BRI3: variants seen among roughly 807,000 people sequenced by gnomAD.
The protein encoded by BRI3 is brain protein I3, also known as membrane protein BRI3.
BRI3 carries 6 observed loss-of-function variants against 12.8 expected under a neutral mutation model. The ratio of observed to expected loss-of-function variants is 0.47; its 90% CI spans 0.26 to 0.93. The LOEUF is 0.93. Among genes scored for constraint, BRI3 ranks in the 40% least tolerant of loss-of-function variants. The pLI is 0.15. For missense variants in BRI3, 134 were observed against 171.1 expected (o/e 0.78, Z 1.21); for synonymous variants, 91 against 76.1 (o/e 1.20, Z -1.02).
At chr7:98,317,193 A>C in the BRI3 span, 8 of 1,613,906 alleles carry the variant, frequency 5.0e-6, no homozygotes, top group East Asian at 1.8e-4. Flanking sequence ...CAACAAAAGA[A>C]AACAAGATAT....
chr7:98,307,635 C>A, exon 2 of BRI3: 1 of 1,602,428 alleles, frequency 6.2e-7, no homozygotes, highest in Non-Finnish European at 8.5e-7. Context: ...CTTGGCTGCT[C>A]TGGAAGGGAG....
exon 2 of BRI3, chr7:98,310,218 A>C: frequency 2.0e-6 from 1 of 503,734 alleles, no homozygotes; most frequent in Non-Finnish European, 3.4e-6. Flanking sequence ...GTCAGTGCGT[A>C]GAACTGGTAA....
downstream of BRI3, among the ~76,000 whole-genome samples, chr7:98,312,422 G>GAT (rs1471760604): frequency 6.6e-6 from 1 of 152,224 alleles, no homozygotes. Context: ...GCACCTAGAG[G>GAT]ATCAGCTGTG....
downstream of BRI3, among the ~76,000 whole-genome samples, chr7:98,295,748 C>T (rs2116786548): frequency 6.6e-6 from 1 of 152,278 alleles, no homozygotes; most frequent in South Asian, 2.1e-4. Flanking sequence ...AAACCAGAAA[C>T]ACCCTCCACC....
chr7:98,285,264 G>A (rs1799672655), intron 2 of BRI3, among the ~76,000 whole-genome samples: 1 of 152,200 alleles, frequency 6.6e-6, no homozygotes, highest in Non-Finnish European at 1.5e-5. Context: ...CCCTTGGGGG[G>A]CAGAGGTGGG....
Position 98,291,302 on chromosome 7 carries a change from T to C in BRI3, c.*59T>C, listed in dbSNP as rs1029775844. 2.5e-6 allele frequency: 4 copies of C among 1,601,080 alleles called. No individual in the cohort carries two copies. In the Admixed American group the frequency reaches 5.1e-5, roughly 20 times the overall value. ...CTCTCTTTTTCTAATGTAAATGTTG[T>C]GTACAATAATTTTATTTGATTAAGC... On this transcript the variant is annotated 3_prime_UTR_variant, in exon 3 of 3. Transcript: ENST00000297290.
chr7:98,304,938 T>A (rs1343406778), upstream of BRI3, among the ~76,000 whole-genome samples: 1 of 150,668 alleles, frequency 6.6e-6, no homozygotes, highest in African/African-American at 2.4e-5. Flanking sequence ...CGATCTTGGC[T>A]CACTGCAACA....
intron 1 of BRI3, among the ~76,000 whole-genome samples, chr7:98,301,071 C>T (rs781673428): frequency 7.9e-5 from 12 of 152,252 alleles, no homozygotes; most frequent in South Asian, 4.1e-4. Context: ...CAGTAGAGGC[C>T]GGCTGGATGA....
downstream of BRI3, chr7:98,293,999 C>G: frequency 6.6e-7 from 1 of 1,526,658 alleles, no homozygotes; most frequent in Non-Finnish European, 9.1e-7. Context: ...GGCTGGGCAC[C>G]GAAGGCCCTT....
downstream of BRI3, chr7:98,312,216 C>T (rs1234399259): frequency 6.2e-7 from 1 of 1,614,042 alleles, no homozygotes; most frequent in East Asian, 2.2e-5. Flanking sequence ...ATGGCATCAA[C>T]ACAGGTCTCC....
chr7:98,296,493 C>T (rs1313934803), downstream of BRI3, among the ~76,000 whole-genome samples: 6 of 152,068 alleles, frequency 3.9e-5, no homozygotes, highest in South Asian at 2.1e-4. Flanking sequence ...GGTGTGGTGG[C>T]GCACGCCGGT....
chr7:98,304,390 AG>A, upstream of BRI3: 1 of 1,613,364 alleles, frequency 6.2e-7, no homozygotes, highest in Non-Finnish European at 8.5e-7. Flanking sequence ...AAACCCAAAA[AG>A]GACACAGCAC....
At chr7:98,317,248 C>T in the BRI3 span, 115 of 1,614,070 alleles carry the variant, frequency 7.1e-5, 1 homozygote, top group African/African-American at 1.0e-3. Flanking sequence ...TATTTGAGTG[C>T]GTTTCGGCTT....
chr7:98,291,012 TG>T, intron 2 of BRI3, 98 bp from the exon 3 acceptor site: 1 of 1,392,150 alleles, frequency 7.2e-7, no homozygotes, highest in Non-Finnish European at 1.0e-6. Context: ...ATGTGACTCA[TG>T]GCCACTGGTT....
intron 2 of BRI3, among the ~76,000 whole-genome samples, chr7:98,283,392 GGT>G (rs1799598625): frequency 1.3e-5 from 2 of 152,200 alleles, no homozygotes; most frequent in African/African-American, 4.8e-5. Flanking sequence ...GCAACCTAGA[GGT>G]GGGGACAAGA....
chr7:98,319,038 C>T, the BRI3 span, among the ~76,000 whole-genome samples: 1 of 151,956 alleles, frequency 6.6e-6, no homozygotes, highest in African/African-American at 2.4e-5. Flanking sequence ...GCATGAAATG[C>T]ACCTTAGCAG....
chr7:98,311,907 CT>C (rs887158712), downstream of BRI3, among the ~76,000 whole-genome samples: 14 of 152,178 alleles, frequency 9.2e-5, no homozygotes, highest in Admixed American at 9.2e-4. Context: ...AAGACTCCAC[CT>C]TAACAACAAC....
intron 1 of BRI3, among the ~76,000 whole-genome samples, chr7:98,300,542 G>A (rs1800378614): frequency 6.6e-6 from 1 of 152,212 alleles, no homozygotes. Context: ...GAAGCTGCTG[G>A]CTGAGATTTC....
downstream of BRI3, among the ~76,000 whole-genome samples, chr7:98,312,485 C>A (rs1800908454): frequency 6.6e-6 from 1 of 152,130 alleles, no homozygotes; most frequent in African/African-American, 2.4e-5. Context: ...ATTTCCTGAT[C>A]CCTCAGTGTG....
Sources: allele counts gnomAD v4.1 joint callset (sites outside exome capture counted in the v4.1 genomes callset), GRCh38; gene constraint gnomAD v4.1.1; transcripts MANE v1.5; gene names NCBI Gene and HGNC (gene_info 2026-07-23, HGNC 2026-07-21).